The following MICU1 variants were observed in gnomAD, a reference collection of about 807,000 sequenced individuals.
The protein encoded by MICU1 is mitochondrial calcium uptake 1, also known as calcium uptake protein 1, mitochondrial.
A neutral mutation model predicts 56.8 loss-of-function variants in MICU1; 45 were observed. That is an observed-to-expected ratio of 0.79 (90% CI 0.62 to 1.02). The LOEUF is 1.02. Among genes scored for constraint, MICU1 ranks in the 50% least tolerant of loss-of-function variants. MICU1 has a pLI of 0.00. For missense variants in MICU1, 504 were observed against 587.1 expected (o/e 0.86, Z 1.46); for synonymous variants, 186 against 195.1 (o/e 0.95, Z 0.39).
At chr10:72,515,447 A>G (rs979025622) in intron 5 of MICU1, among the ~76,000 whole-genome samples, 29 of 152,134 alleles carry the variant, frequency 1.9e-4, no homozygotes, top group Non-Finnish European at 5.9e-5. Context: ...ATTGTAGAAT[A>G]TCTCTCATTT....
At chr10:72,437,957 T>G (rs567926788) in intron 8 of MICU1, among the ~76,000 whole-genome samples, 1 of 152,278 alleles carries the variant, frequency 6.6e-6, no homozygotes, top group East Asian at 1.9e-4. Flanking sequence ...TGGGAGACTT[T>G]AACACCCCAC....
chr10:72,400,530 G>C (rs1863417203), intron 10 of MICU1, among the ~76,000 whole-genome samples: 1 of 152,082 alleles, frequency 6.6e-6, no homozygotes, highest in Non-Finnish European at 1.5e-5. Context: ...CGGATCACCT[G>C]AGATTAGGAA....
Position 72,398,770 on chromosome 10 carries a change from T to C in MICU1, c.1180+9159A>G, listed in dbSNP as rs189483370. On this transcript the variant is annotated intron_variant, in intron 10 of 11. Coordinates refer to ENST00000361114, the MANE Select transcript of MICU1 (RefSeq NM_001195518.2). ...GAAGCTGAATCTCTGAATAGACCAA[T>C]AACAGGCTCTGAAATTCAGGCAATA... Among the ~76,000 whole-genome samples, 520 of 152,094 alleles carry C rather than the reference T, an allele frequency of 3.4e-3. 2 individuals carry two copies. Among genetic ancestry groups the C allele is most frequent in the Middle Eastern group, 0.017 (5 of 294 alleles).
In MICU1 at chr10:72,563,005, C is replaced by CT; in HGVS notation, c.219dup (p.Gly74ArgfsTer4). 1 of 1,607,356 alleles carries CT rather than the reference C, an allele frequency of 6.2e-7. No homozygotes were observed. The highest frequency in any genetic ancestry group is 1.1e-5 in the South Asian group (1 of 89,314). On this transcript the variant is annotated frameshift_variant, in exon 3 of 12. Coordinates refer to ENST00000361114, the MANE Select transcript of MICU1 (RefSeq NM_001195518.2). LOFTEE classifies it high-confidence loss of function. The stretch of plus-strand genomic sequence containing the variant: ...ACATCCCCTTCATCTTTATTCTTCC[C>CT]TTTATCACCGATGTCACTTTTTAGG...
At chr10:72,406,245 A>G (rs537242707) in intron 10 of MICU1, among the ~76,000 whole-genome samples, 2 of 152,262 alleles carry the variant, frequency 1.3e-5, no homozygotes, top group African/African-American at 4.8e-5. Flanking sequence ...ATCGAAAACC[A>G]TAAAATACTT....
chr10:72,565,096 C>T (rs1224256496), intron 2 of MICU1, among the ~76,000 whole-genome samples: 1 of 147,092 alleles, frequency 6.8e-6, no homozygotes, highest in Non-Finnish European at 1.5e-5. Context: ...GCTTGACCAA[C>T]ATGGTGAAAC....
At chr10:72,492,821 A>ATAAAATAAAATAAAATAAAATAAAG (rs377005427) in intron 6 of MICU1, among the ~76,000 whole-genome samples, 42 of 150,068 alleles carry the variant, frequency 2.8e-4, no homozygotes, top group African/African-American at 1.0e-3. Flanking sequence ...ATAAAATAAA[A>ATAAAATAAAATAAAATAAAATAAAG]TAAAATGTAT....
intron 3 of MICU1, among the ~76,000 whole-genome samples, chr10:72,554,602 G>T (rs192152308): frequency 1.4e-4 from 22 of 152,288 alleles, no homozygotes; most frequent in Non-Finnish European, 2.4e-4. Flanking sequence ...TAAACTATAT[G>T]TCTAGGAATA....
Position 72,368,192 on chromosome 10 carries a change from G to A in MICU1, c.*3C>T. ...TGGAGGGGTCCCCTCTTGCAGTGTG[G>A]GGTTACTGTTTGGGTAAAGCGAAGT... is the stretch of plus-strand genomic sequence containing the variant. On this transcript the variant is annotated 3_prime_UTR_variant, in exon 12 of 12. Transcript: ENST00000361114. The A allele has an allele frequency of 6.2e-7, 1 of 1,610,960 alleles. No homozygotes were observed. Among genetic ancestry groups the A allele is most frequent in the Non-Finnish European group, 8.5e-7 (1 of 1,178,464 alleles).
chr10:72,401,243 G>A (rs1157497929), intron 10 of MICU1, among the ~76,000 whole-genome samples: 3 of 152,080 alleles, frequency 2.0e-5, no homozygotes, highest in Non-Finnish European at 4.4e-5. Context: ...TTTTTTTCCT[G>A]GCTTTACTGA....
intron 1 of MICU1, among the ~76,000 whole-genome samples, chr10:72,607,935 G>T (rs536695142): frequency 6.6e-6 from 1 of 152,252 alleles, no homozygotes; most frequent in African/African-American, 2.4e-5. Context: ...CATTGGTTAG[G>T]GTGGGAAACA....
intron 1 of MICU1, among the ~76,000 whole-genome samples, chr10:72,597,731 T>C (rs1841418187): frequency 6.6e-6 from 1 of 152,216 alleles, no homozygotes; most frequent in Non-Finnish European, 1.5e-5. Context: ...CAACATTTTT[T>C]GTAATTTTTG....
chr10:72,406,030 T>TA (rs1286297857), intron 10 of MICU1, among the ~76,000 whole-genome samples: 1 of 151,804 alleles, frequency 6.6e-6, no homozygotes, highest in Admixed American at 6.6e-5. Flanking sequence ...AATTTTTTTT[T>TA]AAAAAAGGAG....
chr10:72,533,859 C>A, intron 4 of MICU1, 70 bp from the exon 5 acceptor site: 2 of 1,101,834 alleles, frequency 1.8e-6, no homozygotes, highest in East Asian at 2.5e-5. Context: ...AATGACAGCT[C>A]TTGGTTTTGT....
chr10:72,445,531 T>G (rs894739257), intron 8 of MICU1, among the ~76,000 whole-genome samples: 4 of 152,212 alleles, frequency 2.6e-5, no homozygotes, highest in African/African-American at 7.2e-5. Flanking sequence ...CTTCACTCAC[T>G]AAAATTCTAG....
intron 8 of MICU1, among the ~76,000 whole-genome samples, chr10:72,437,692 G>A (rs1237236351): frequency 6.6e-6 from 1 of 152,172 alleles, no homozygotes; most frequent in Non-Finnish European, 1.5e-5. Context: ...AAAATAAAGG[G>A]ATGGAGGAAG....
chr10:72,481,250 G>A (rs779425203), intron 6 of MICU1, among the ~76,000 whole-genome samples: 2 of 152,166 alleles, frequency 1.3e-5, no homozygotes, highest in Admixed American at 6.5e-5. Flanking sequence ...GATGTCAAGC[G>A]ATTCTCTTGT....
chr10:72,453,939 G>A (rs1161826486), intron 8 of MICU1, among the ~76,000 whole-genome samples: 1 of 152,008 alleles, frequency 6.6e-6, no homozygotes, highest in Admixed American at 6.6e-5. Context: ...TGGTTCAAGC[G>A]ATTTTCTTGC....
chr10:72,586,013 C>CTTTTTTTTTTTTTTTTTTT (rs71021511), intron 1 of MICU1, among the ~76,000 whole-genome samples: 47 of 74,712 alleles, frequency 6.3e-4, no homozygotes, highest in East Asian at 8.7e-4. Context: ...TTTTTTTTTT[C>CTTTTTTTTTTTTTTTTTTT]TTTTTTTTTT....
Sources: gnomAD v4.1 joint callset for allele counts (sites outside exome capture counted in the v4.1 genomes callset) on GRCh38, gnomAD v4.1.1 for gene constraint, MANE v1.5 for transcripts, NCBI Gene and HGNC (gene_info 2026-07-23, HGNC 2026-07-21) for gene names.